The following GABRR3 variants were observed in gnomAD, a reference collection of about 807,000 sequenced individuals.
The protein encoded by GABRR3 is gamma-aminobutyric acid receptor subunit rho-3.
GABRR3 carries 29 observed loss-of-function variants against 43.2 expected under a neutral mutation model. That is an observed-to-expected ratio of 0.67 (90% CI 0.50 to 0.92). GABRR3 has a LOEUF of 0.92. Ranked by LOEUF, GABRR3 falls within the 40% of genes least tolerant of loss-of-function variation. The pLI, the probability that GABRR3 is intolerant of heterozygous loss-of-function variation, is 0.00. For synonymous variants in GABRR3, 206 were observed against 195.9 expected (o/e 1.05, Z -0.43); for missense variants, 576 against 572.3 (o/e 1.01, Z -0.07).
At chr3:98,003,518 A>G (rs1241356295) in intron 7 of GABRR3, among the ~76,000 whole-genome samples, 1 of 150,672 alleles carries the variant, frequency 6.6e-6, no homozygotes, top group African/African-American at 2.4e-5. Flanking sequence ...ATTTTAGTTG[A>G]ACCTGCAGGT....
chr3:98,006,717 G>A (rs930032310), intron 7 of GABRR3, among the ~76,000 whole-genome samples: 5 of 152,308 alleles, frequency 3.3e-5, no homozygotes, highest in African/African-American at 1.2e-4. Context: ...CATTTTATAT[G>A]GATTCGGCCT....
intron 4 of GABRR3, among the ~76,000 whole-genome samples, chr3:98,013,978 A>C (rs975973493): frequency 3.9e-5 from 6 of 152,180 alleles, no homozygotes; most frequent in Non-Finnish European, 8.8e-5. Flanking sequence ...GCATTCTGGG[A>C]GGAGGGTGAG....
chr3:98,012,519 G>C (rs372131074), exon 5 of GABRR3: 14 of 1,613,854 alleles, frequency 8.7e-6, no homozygotes, highest in Non-Finnish European at 1.2e-5. Context: ...GGAAAGGAGA[G>C]CCTCTCGTCT....
At chr3:98,001,763 C>G (rs762022068) in exon 8 of GABRR3, 37 of 1,612,706 alleles carry the variant, frequency 2.3e-5, no homozygotes, top group Non-Finnish European at 3.1e-5. Context: ...GCCTATTGTA[C>G]CAACCTGTGG....
intron 8 of GABRR3, chr3:97,997,588 G>T (rs922572287): frequency 6.6e-6 from 1 of 152,134 alleles, no homozygotes; most frequent in Non-Finnish European, 1.5e-5. Context: ...AGTTGCACAG[G>T]CATAACAGTT....
chr3:98,000,930 C>T (rs1015481293), intron 8 of GABRR3: 15 of 151,990 alleles, frequency 9.9e-5, no homozygotes, highest in African/African-American at 3.4e-4. Context: ...TGAAATGGTT[C>T]CCATAAATCA....
At chr3:98,009,017 G>C in exon 6 of GABRR3, 1 of 1,606,422 alleles carries the variant, frequency 6.2e-7, no homozygotes, top group Non-Finnish European at 8.5e-7. Context: ...AATCCATAAA[G>C]CACATGGCCG....
At position 98,035,004 on chromosome 3, in the gene GABRR3, A is replaced by G. The variant is rs770738816; in HGVS notation, c.-2-15T>C. 6.2e-7 allele frequency: 1 copy of G among 1,609,328 alleles called. No homozygotes were observed. The highest frequency in any genetic ancestry group is 8.5e-7 in the Non-Finnish European group (1 of 1,177,292). On this transcript the variant is annotated splice_polypyrimidine_tract_variant and intron_variant, in intron 1 of 9. Coordinates refer to ENST00000621172, the Ensembl canonical transcript of GABRR3. ...CAGGACCATCTCTTCCAAAACAAAA[A>G]AACAGAAAGGATGCAGGTGAACGCA...
intron 2 of GABRR3, among the ~76,000 whole-genome samples, chr3:98,032,536 A>C (rs544331233): frequency 1.3e-3 from 200 of 152,336 alleles, no homozygotes; most frequent in African/African-American, 4.6e-3. Flanking sequence ...TGCATCATCC[A>C]GGAGTAAAAT....
At chr3:98,029,620 G>A (rs1437079812) in intron 2 of GABRR3, among the ~76,000 whole-genome samples, 3 of 152,068 alleles carry the variant, frequency 2.0e-5, no homozygotes, top group Admixed American at 1.3e-4. Context: ...TATTTGATGA[G>A]TTAACTAGAA....
intron 3 of GABRR3, among the ~76,000 whole-genome samples, chr3:98,019,352 T>C (rs854579): frequency 0.26 from 39,707 of 152,016 alleles, 6,220 homozygotes; most frequent in East Asian, 0.43. Flanking sequence ...TTTCTGTGAC[T>C]GCCCCAGGAA....
At chr3:97,993,331 A>G (rs1048265188) in intron 8 of GABRR3, among the ~76,000 whole-genome samples, 1 of 152,094 alleles carries the variant, frequency 6.6e-6, no homozygotes, top group Admixed American at 6.5e-5. Context: ...TCTGTTTTTC[A>G]CCCTCAGATG....
chr3:98,011,994 G>A (rs1179166719), intron 5 of GABRR3, among the ~76,000 whole-genome samples: 1 of 152,154 alleles, frequency 6.6e-6, no homozygotes, highest in East Asian at 1.9e-4. Flanking sequence ...GCTAATCCAA[G>A]GTTCCAAAAC....
intron 7 of GABRR3, among the ~76,000 whole-genome samples, chr3:98,007,264 T>C (rs1397938288): frequency 3.3e-5 from 5 of 151,914 alleles, no homozygotes; most frequent in East Asian, 3.9e-4. Context: ...CATGAGAATA[T>C]TGGGGGAAAG....
At chr3:98,000,504 C>T (rs1474470039) in intron 8 of GABRR3, 1 of 152,092 alleles carries the variant, frequency 6.6e-6, no homozygotes, top group African/African-American at 2.4e-5. Context: ...AATTTAATTA[C>T]TTATTCAGAT....
At chr3:98,008,986 T>C in exon 6 of GABRR3, 1 of 1,607,404 alleles carries the variant, frequency 6.2e-7, no homozygotes. Flanking sequence ...CAATTTTGAG[T>C]GTCAAGAGGA....
Position 98,001,609 on chromosome 3 carries a change from A to G in GABRR3, c.907+6T>C, listed in dbSNP as rs763575741. On this transcript the variant is annotated splice_donor_region_variant and intron_variant, in intron 8 of 9. Coordinates refer to ENST00000621172, the Ensembl canonical transcript of GABRR3. The stretch of plus-strand genomic sequence containing the variant: ...TAACATTTTATAAAGATGGGGAAAG[A>G]TTTACCCAGGGAAACTCTTGCAGGA... 7.4e-6 allele frequency: 12 copies of G among 1,612,574 alleles called. No individual in the cohort carries two copies. In the Admixed American group the frequency reaches 1.0e-4, roughly 13 times the overall value.
rs767548639 is a variant in GABRR3 at position 98,007,856 on chromosome 3, T to G, written c.662A>C (p.Lys221Thr). Residue 221 changes from lysine to threonine, a missense_variant, in exon 7 of 10, where the codon AAG becomes ACG. Transcript: ENST00000621172. ...CATATGTTCTTCAGTATTTAAGGACTTGTTTCCGTGTTTCCAGTATAGCAT... is the reference window on the plus strand; with the variant it reads ...CATATGTTCTTCAGTATTTAAGGACGTGTTTCCGTGTTTCCAGTATAGCAT... The G allele has an allele frequency of 9.3e-6, 15 of 1,607,618 alleles. No individual in the cohort carries two copies. In the South Asian group the frequency reaches 1.7e-4, roughly 18 times the overall value.
chr3:98,027,551 A>T (rs1707036801), intron 2 of GABRR3, among the ~76,000 whole-genome samples: 1 of 152,262 alleles, frequency 6.6e-6, no homozygotes, highest in African/African-American at 2.4e-5. Context: ...AAGAATGCTT[A>T]AGACAGAGCC....
Sources: allele counts gnomAD v4.1 joint callset (sites outside exome capture counted in the v4.1 genomes callset), GRCh38; gene constraint gnomAD v4.1.1; transcripts MANE v1.5; gene names NCBI Gene and HGNC (gene_info 2026-07-23, HGNC 2026-07-21).